Variants in SND1 observed in about 807,000 individuals in gnomAD.
The protein encoded by SND1 is staphylococcal nuclease domain-containing protein 1.
Under a neutral mutation model 121.7 loss-of-function variants are expected in SND1, and 38 were observed. That is an observed-to-expected ratio of 0.31 (90% CI 0.24 to 0.41). SND1 has a LOEUF of 0.41. Among genes scored for constraint, SND1 ranks in the 10% least tolerant of loss-of-function variants. The probability of loss-of-function intolerance (pLI) is 1.00; values close to 1 mark genes in which losing one functional copy is unlikely to be tolerated. For synonymous variants in SND1, 401 were observed against 447.4 expected, an observed-to-expected ratio of 0.90 and a Z score of 1.31; for missense variants, 868 against 1,184.6, an observed-to-expected ratio of 0.73 and a Z score of 3.92.
chr7:127,996,140 T>TAA (rs34060223), intron 16 of SND1, among the ~76,000 whole-genome samples: 34 of 142,780 alleles, frequency 2.4e-4, no homozygotes, highest in Middle Eastern at 3.6e-3. Context: ...CTCCCTGCTT[T>TAA]AAAAAAAAAA....
chr7:127,705,892 G>A (rs1796184302), intron 8 of SND1, among the ~76,000 whole-genome samples: 2 of 152,134 alleles, frequency 1.3e-5, no homozygotes, highest in African/African-American at 2.4e-5. Context: ...GTGCAACGAC[G>A]TGAATGAATA....
intron 1 of SND1, among the ~76,000 whole-genome samples, chr7:127,663,618 C>T (rs2043982): frequency 0.33 from 49,794 of 152,014 alleles, 9,072 homozygotes; most frequent in Admixed American, 0.42. Context: ...CCTCGTGATC[C>T]GCCTACCTCG....
chr7:127,847,051 T>C (rs1799077977), intron 12 of SND1, among the ~76,000 whole-genome samples: 1 of 152,122 alleles, frequency 6.6e-6, no homozygotes, highest in African/African-American at 2.4e-5. Flanking sequence ...TTGGATCACC[T>C]GAGATCAGGA....
intron 12 of SND1, chr7:127,858,158 G>A (rs1799316468): frequency 1.5e-5 from 12 of 824,974 alleles, no homozygotes; most frequent in Admixed American, 1.0e-4. Context: ...GGATTGTGGG[G>A]TCCCTAGGGC....
intron 10 of SND1, among the ~76,000 whole-genome samples, chr7:127,750,084 A>C (rs993096903): frequency 1.3e-5 from 2 of 152,226 alleles, no homozygotes; most frequent in Non-Finnish European, 2.9e-5. Context: ...TGGGTGACAG[A>C]ATGAGACCCT....
intron 7 of SND1, 107 bp downstream of exon 7, chr7:127,703,430 T>C (rs931673472): frequency 4.5e-6 from 6 of 1,336,700 alleles, no homozygotes; most frequent in African/African-American, 2.9e-5. Context: ...CATTAAGATA[T>C]TGGCCAGTTG....
chr7:128,076,569 A>G (rs899200001), intron 17 of SND1, among the ~76,000 whole-genome samples: 1 of 152,114 alleles, frequency 6.6e-6, no homozygotes, highest in African/African-American at 2.4e-5. Flanking sequence ...GAACCCTGAT[A>G]AGAGCATCTG....
At chr7:128,072,592 C>T (rs555593803) in intron 16 of SND1, among the ~76,000 whole-genome samples, 3 of 152,304 alleles carry the variant, frequency 2.0e-5, no homozygotes, top group African/African-American at 4.8e-5. Flanking sequence ...TAAAGCTTGG[C>T]AAGTTAAGAT....
At chr7:127,878,377 T>C (rs1310693364) in intron 12 of SND1, among the ~76,000 whole-genome samples, 1 of 152,224 alleles carries the variant, frequency 6.6e-6, no homozygotes, top group Admixed American at 6.5e-5. Context: ...CTAAGTTCCA[T>C]ACCTGCCCAT....
intron 15 of SND1, among the ~76,000 whole-genome samples, chr7:127,953,202 GTGTGTGTGTGTGTGTGTGTATGTA>G (rs1563068951): frequency 9.3e-5 from 8 of 86,206 alleles, no homozygotes; most frequent in Admixed American, 2.3e-4. Context: ...GTGTGTGTGT[GTGTGTGTGTGTGTGTGTGTATGTA>G]TGAAAAGAAG....
chr7:127,738,286 C>CTT (rs889082580), intron 10 of SND1, among the ~76,000 whole-genome samples: 97 of 122,632 alleles, frequency 7.9e-4, no homozygotes, highest in East Asian at 9.0e-4. Context: ...TTTTTTTTTT[C>CTT]TTTTTTTTTT....
intron 20 of SND1, chr7:128,086,595 G>A (rs1793691471): frequency 8.2e-6 from 3 of 365,638 alleles, no homozygotes; most frequent in Admixed American, 8.4e-5. Context: ...TGGCCTGTGG[G>A]AACGTAGTCA....
chr7:128,002,784 T>A (rs1049684065), intron 16 of SND1, among the ~76,000 whole-genome samples: 10 of 152,232 alleles, frequency 6.6e-5, no homozygotes, highest in African/African-American at 1.9e-4. Context: ...TCTGACAGAA[T>A]AGCAGTGCTC....
intron 13 of SND1, among the ~76,000 whole-genome samples, chr7:127,902,880 ATTTAT>A (rs1406419528): frequency 4.7e-5 from 7 of 149,962 alleles, no homozygotes; most frequent in African/African-American, 1.5e-4. Context: ...CACCTGGCTG[ATTTAT>A]TTTATTTTAT....
chr7:127,810,763 T>G (rs1297773511), intron 11 of SND1, among the ~76,000 whole-genome samples: 1 of 152,232 alleles, frequency 6.6e-6, no homozygotes, highest in Non-Finnish European at 1.5e-5. Context: ...CCTCCAGCTA[T>G]CTTATAAAAT....
rs192981630 is a variant in SND1, at chr7:128,029,484, A to G, written c.1779+38428A>G. Reference sequence around the variant, plus strand: ...GTGGCTGAGCACTGTCCCATTGGGCAGCAACCACTTCACGGAGGACATAGG... The same window carrying G: ...GTGGCTGAGCACTGTCCCATTGGGCGGCAACCACTTCACGGAGGACATAGG... On this transcript the variant is annotated intron_variant, in intron 16 of 23. Coordinates refer to ENST00000354725, the MANE Select transcript of SND1 (RefSeq NM_014390.4). This position sits in a 1 kb window ranked among gnomAD's most constrained non-coding sequence, Gnocchi z 4.2. 2 of 1,614,182 alleles carry G rather than the reference A, an allele frequency of 1.2e-6. No homozygotes were observed. Among genetic ancestry groups the G allele is most frequent in the East Asian group, 4.5e-5 (2 of 44,886 alleles).
intron 10 of SND1, among the ~76,000 whole-genome samples, chr7:127,749,543 G>T (rs558584156): frequency 1.3e-5 from 2 of 152,126 alleles, no homozygotes; most frequent in Non-Finnish European, 2.9e-5. Context: ...ATTAGACAGT[G>T]TACATGGAAA....
chr7:127,668,465 A>T (rs1258956790), intron 1 of SND1, among the ~76,000 whole-genome samples: 1 of 152,214 alleles, frequency 6.6e-6, no homozygotes, highest in Non-Finnish European at 1.5e-5. Context: ...TCTATGCTGG[A>T]TGTTCTGTAA....
intron 21 of SND1, among the ~76,000 whole-genome samples, chr7:128,087,380 A>G (rs1183762567): frequency 1.3e-5 from 2 of 152,086 alleles, no homozygotes; most frequent in African/African-American, 4.8e-5. Flanking sequence ...GGGGTTGTCT[A>G]CCCTGGCAAG....
Sources: allele counts gnomAD v4.1 joint callset (sites outside exome capture counted in the v4.1 genomes callset), GRCh38; gene constraint gnomAD v4.1.1; non-coding constraint Gnocchi (gnomAD v3.1); transcripts MANE v1.5; gene names NCBI Gene and HGNC (gene_info 2026-07-23, HGNC 2026-07-21).